The following GRXCR2 variants were observed in gnomAD, a reference collection of about 807,000 sequenced individuals.
GRXCR2 encodes the protein glutaredoxin and cysteine rich domain containing 2, also known as glutaredoxin domain-containing cysteine-rich protein 2.
Under a neutral mutation model 24.8 loss-of-function variants are expected in GRXCR2, and 23 were observed. The observed-to-expected ratio is 0.93, with a 90% CI of 0.67 to 1.32. The LOEUF is 1.32. Among genes scored for constraint, GRXCR2 ranks in the 40% most tolerant of loss-of-function variants. GRXCR2 has a pLI of 0.00. For missense variants in GRXCR2, 315 were observed against 303.4 expected (o/e 1.04, Z -0.28); for synonymous variants, 130 against 116.1 (o/e 1.12, Z -0.77).
At chr5:145,919,528 G>A (rs2149928236) in intron 2 of GRXCR2, among the ~76,000 whole-genome samples, 1 of 152,286 alleles carries the variant, frequency 6.6e-6, no homozygotes, top group African/African-American at 2.4e-5. Context: ...AGTTGCAAGG[G>A]TTTGCAGATC....
chr5:145,873,020 T>A (rs1217766691), upstream of GRXCR2: 1 of 1,476,122 alleles, frequency 6.8e-7, no homozygotes, highest in East Asian at 2.3e-5. Flanking sequence ...CCGGTGAAAC[T>A]TGGGCCTCTG....
At position 145,859,452 on chromosome 5, in the gene GRXCR2, G is replaced by T; in HGVS notation, c.*281C>A. 2 of 442,630 alleles carry T rather than the reference G, an allele frequency of 4.5e-6. No homozygotes were observed. The highest frequency in any genetic ancestry group is 4.1e-5 in the East Asian group (1 of 24,196). 27.4% of individuals were successfully genotyped at this position (442,630 alleles called of 1,614,324 possible). A position where few individuals can be genotyped will look rare whatever the true frequency, so the allele number is the denominator to read the frequency against. Reference sequence around the variant, plus strand: ...CTCACTGAAGCAAGAAGAAAACTGAGCTAAGTCAAGTGAGATACACTCACA... The same window carrying T: ...CTCACTGAAGCAAGAAGAAAACTGATCTAAGTCAAGTGAGATACACTCACA... On this transcript the variant is annotated 3_prime_UTR_variant, in exon 3 of 3. Transcript: ENST00000377976.
chr5:145,895,155 A>G (rs1273964443), intron 2 of GRXCR2, among the ~76,000 whole-genome samples: 7 of 152,116 alleles, frequency 4.6e-5, no homozygotes, highest in Non-Finnish European at 1.0e-4. Flanking sequence ...AGAGCTATCT[A>G]TGACAAACCC....
In GRXCR2 at chr5:145,858,768, T is replaced by C. The variant is rs950539588; in HGVS notation, c.*965A>G. On this transcript the variant is annotated 3_prime_UTR_variant, in exon 3 of 3. Transcript: ENST00000377976. The stretch of plus-strand genomic sequence containing the variant: ...CATTAACAAAAGTATGTTCTAATTT[T>C]ATAACCAACCTCAAGAGGAAAGAAT... The C allele has an allele frequency of 1.3e-5, 2 of 152,186 alleles. No individual in the cohort carries two copies. The highest frequency in any genetic ancestry group is 4.8e-5 in the African/African-American group (2 of 41,448). 9.4% of individuals were successfully genotyped at this position (152,186 alleles called of 1,614,324 possible).
intron 2 of GRXCR2, among the ~76,000 whole-genome samples, chr5:145,865,842 A>C (rs1248187328): frequency 6.6e-6 from 1 of 152,120 alleles, no homozygotes; most frequent in East Asian, 1.9e-4. Flanking sequence ...AACCCATAAG[A>C]AAAGATAGGG....
intron 1 of GRXCR2, among the ~76,000 whole-genome samples, chr5:145,869,953 G>C (rs1756502545): frequency 6.6e-6 from 1 of 152,084 alleles, no homozygotes; most frequent in East Asian, 1.9e-4. Flanking sequence ...AGGTCAACAG[G>C]GTTAACTAGC....
At chr5:145,894,001 A>T (rs182586116) in intron 2 of GRXCR2, among the ~76,000 whole-genome samples, 18 of 152,356 alleles carry the variant, frequency 1.2e-4, no homozygotes, top group Non-Finnish European at 2.4e-4. Context: ...GCTCAACTAC[A>T]TGGAAACTGA....
chr5:145,900,325 C>T (rs1757007859), intron 2 of GRXCR2, among the ~76,000 whole-genome samples: 1 of 152,150 alleles, frequency 6.6e-6, no homozygotes, highest in South Asian at 2.1e-4. Flanking sequence ...CCTGCTTCCT[C>T]TTTGCCTTCC....
chr5:145,929,910 A>G (rs1005961043), intron 2 of GRXCR2, among the ~76,000 whole-genome samples: 2 of 152,096 alleles, frequency 1.3e-5, no homozygotes, highest in African/African-American at 4.8e-5. Flanking sequence ...CCGTTTCTTT[A>G]TGATACACTA....
In GRXCR2 at chr5:145,931,501, C is replaced by T. The variant is rs372800787; in HGVS notation, c.-70+4200G>A. ...TATTTTAAAGTACACTCCTCACCTGCAAACATACCCTCAATTGGAGAGGAA... is the reference window on the plus strand; with the variant it reads ...TATTTTAAAGTACACTCCTCACCTGTAAACATACCCTCAATTGGAGAGGAA... On this transcript the variant is annotated intron_variant, in intron 2 of 3. Coordinates refer to the GRXCR2 transcript ENST00000639411. 5.9e-5 allele frequency among the ~76,000 whole-genome samples: 9 copies of T among 152,340 alleles called. No homozygotes were observed. In the East Asian group the frequency reaches 1.2e-3, roughly 20 times the overall value.
chr5:145,919,612 G>A (rs373916224), intron 2 of GRXCR2, among the ~76,000 whole-genome samples: 3 of 152,280 alleles, frequency 2.0e-5, no homozygotes, highest in South Asian at 2.1e-4. Flanking sequence ...GGGTAGGCGG[G>A]TGGGTAGGAG....
intron 2 of GRXCR2, among the ~76,000 whole-genome samples, chr5:145,884,402 C>A (rs984628939): frequency 6.6e-6 from 1 of 151,862 alleles, no homozygotes; most frequent in Admixed American, 6.6e-5. Context: ...GGAAATTTTA[C>A]TCTAGGGTTG....
At position 145,872,680 on chromosome 5, in the gene GRXCR2, C is replaced by G; in HGVS notation, c.289G>C (p.Ala97Pro). ...TCGTTGAACCGAGGCTGGCCGCCTG[C>G]CAAGGTGTAGGCATTACCCTCTCTA... ...VFREGNAYTL[A>P]GGQPRFNDYK... Residue 97 changes from alanine to proline, a missense_variant, in exon 1 of 3, where the codon GCA becomes CCA. By Grantham distance (27) the Ala-to-Pro change is conservative. Coordinates refer to ENST00000377976, the MANE Select transcript of GRXCR2 (RefSeq NM_001080516.2). 1 of 1,609,092 alleles carries G rather than the reference C, an allele frequency of 6.2e-7. No individual in the cohort carries two copies. The highest frequency in any genetic ancestry group is 8.5e-7 in the Non-Finnish European group (1 of 1,176,124).
downstream of GRXCR2, chr5:145,858,511 G>A (rs1366488602): frequency 6.6e-6 from 1 of 152,032 alleles, no homozygotes; most frequent in South Asian, 2.1e-4. Flanking sequence ...AACTATCAAG[G>A]CTTCAAAAAT....
chr5:145,874,216 T>G (rs1035210581), upstream of GRXCR2, among the ~76,000 whole-genome samples: 2 of 147,488 alleles, frequency 1.4e-5, no homozygotes, highest in Non-Finnish European at 3.0e-5. Context: ...TTTATTTTTT[T>G]TTTTTTGAGA....
chr5:145,907,949 G>A (rs1358330337), intron 2 of GRXCR2, among the ~76,000 whole-genome samples: 5 of 152,134 alleles, frequency 3.3e-5, no homozygotes, highest in Admixed American at 1.3e-4. Flanking sequence ...GTGGAGACAC[G>A]GAGTAGGTGG....
At chr5:145,898,420 G>A (rs1756980271) in intron 2 of GRXCR2, among the ~76,000 whole-genome samples, 1 of 151,942 alleles carries the variant, frequency 6.6e-6, no homozygotes, top group African/African-American at 2.4e-5. Context: ...CAAGTAGAAG[G>A]GACTCTTCCC....
intron 2 of GRXCR2, among the ~76,000 whole-genome samples, chr5:145,885,376 G>C (rs1435564450): frequency 6.6e-6 from 1 of 151,910 alleles, no homozygotes; most frequent in South Asian, 2.1e-4. Flanking sequence ...TTTCTCCCAA[G>C]GTTGTCTAAG....
chr5:145,859,920 A>G lies in GRXCR2; in HGVS notation c.565-5T>C. On this transcript the variant is annotated splice_polypyrimidine_tract_variant and splice_region_variant and intron_variant, in intron 2 of 2. Transcript: ENST00000377976. Reference sequence around the variant, plus strand: ...GTCCTCGGGAATATCCCCTTCCTGCAAGAGACAGGTTAGGGTTTAGTTAAA... The same window carrying G: ...GTCCTCGGGAATATCCCCTTCCTGCGAGAGACAGGTTAGGGTTTAGTTAAA... 6.4e-7 allele frequency: 1 copy of G among 1,562,586 alleles called. No individual in the cohort carries two copies. Among genetic ancestry groups the G allele is most frequent in the Non-Finnish European group, 8.7e-7 (1 of 1,154,124 alleles).
Sources: allele counts gnomAD v4.1 joint callset (sites outside exome capture counted in the v4.1 genomes callset), GRCh38; gene constraint gnomAD v4.1.1; transcripts MANE v1.5; gene names NCBI Gene and HGNC (gene_info 2026-07-23, HGNC 2026-07-21).